NRXN3: variants seen among roughly 807,000 people sequenced by gnomAD.
The protein encoded by NRXN3 is neurexin III.
NRXN3 carries 32 observed loss-of-function variants against 137.6 expected under a neutral mutation model. The observed-to-expected ratio is 0.23, with a 90% CI of 0.18 to 0.31. The LOEUF (loss-of-function observed/expected upper bound fraction) is 0.31. NRXN3 is among the 10% of genes least tolerant of loss of function. NRXN3 has a pLI of 1.00. For synonymous variants in NRXN3, 798 were observed against 784.5 expected (o/e 1.02, Z -0.29); for missense variants, 1,574 against 2,062.5 (o/e 0.76, Z 4.59).
At chr14:78,951,535 C>G (rs1297510248) in intron 10 of NRXN3, among the ~76,000 whole-genome samples, 2 of 152,126 alleles carry the variant, frequency 1.3e-5, no homozygotes, top group Non-Finnish European at 2.9e-5. Flanking sequence ...CTCCCTACCC[C>G]CAACTGCTTT....
rs545781485 is a variant in NRXN3, at chr14:79,150,523, C to A, written c.3262+162382C>A. On this transcript the variant is annotated intron_variant, in intron 15 of 20. Coordinates refer to ENST00000335750, the MANE Select transcript of NRXN3 (RefSeq NM_001330195.2). Reference sequence around the variant, plus strand: ...TCTGCAGAGAAAGGAGCAAGAGTTCCTTGCATTCTAACCCAAGCCACCCCT... The same window carrying A: ...TCTGCAGAGAAAGGAGCAAGAGTTCATTGCATTCTAACCCAAGCCACCCCT... 3.9e-5 allele frequency among the ~76,000 whole-genome samples: 6 copies of A among 151,962 alleles called. No individual in the cohort carries two copies. In the South Asian group the frequency reaches 1.0e-3, roughly 26 times the overall value.
At chr14:78,171,815 A>G (rs900405559) in intron 1 of NRXN3, among the ~76,000 whole-genome samples, 8 of 152,164 alleles carry the variant, frequency 5.3e-5, no homozygotes, top group African/African-American at 1.9e-4. Context: ...TCATCATGCA[A>G]TGAGAACATC....
At chr14:78,918,193 G>T (rs973935585) in intron 10 of NRXN3, among the ~76,000 whole-genome samples, 6 of 147,278 alleles carry the variant, frequency 4.1e-5, no homozygotes, top group African/African-American at 1.5e-4. Flanking sequence ...GCTGAGGCGG[G>T]AGAATCGCTT....
intron 10 of NRXN3, among the ~76,000 whole-genome samples, chr14:78,894,142 G>A (rs2099167042): frequency 6.6e-6 from 1 of 151,890 alleles, no homozygotes; most frequent in South Asian, 2.1e-4. Flanking sequence ...AGACAACAAT[G>A]AAGTTTGCTT....
intron 15 of NRXN3, among the ~76,000 whole-genome samples, chr14:79,307,263 C>T (rs892801311): frequency 6.6e-6 from 1 of 152,040 alleles, no homozygotes; most frequent in Non-Finnish European, 1.5e-5. Flanking sequence ...ATTGACAGAG[C>T]TGGAATTGGA....
At chr14:78,213,743 G>A (rs905505074) in intron 1 of NRXN3, among the ~76,000 whole-genome samples, 1 of 152,152 alleles carries the variant, frequency 6.6e-6, no homozygotes, top group Non-Finnish European at 1.5e-5. Context: ...TCTCAGTGGT[G>A]CACTTCCATG....
intron 19 of NRXN3, among the ~76,000 whole-genome samples, chr14:79,705,617 A>T (rs189363805): frequency 6.9e-4 from 105 of 152,214 alleles, no homozygotes; most frequent in African/African-American, 2.4e-3. Flanking sequence ...GCCCTGCCTG[A>T]ATGTGCCAAG....
At chr14:78,303,932 A>C (rs2077113698) in intron 4 of NRXN3, among the ~76,000 whole-genome samples, 1 of 152,164 alleles carries the variant, frequency 6.6e-6, no homozygotes, top group African/African-American at 2.4e-5. Context: ...CTCATTCTAC[A>C]CAAGCTCAGT....
At chr14:79,637,420 G>A (rs998902946) in intron 16 of NRXN3, among the ~76,000 whole-genome samples, 6 of 152,022 alleles carry the variant, frequency 3.9e-5, no homozygotes, top group East Asian at 1.9e-4. Context: ...CTTAAACCTC[G>A]GCATATTTGA....
chr14:78,279,328 G>A (rs1178400273), intron 3 of NRXN3, among the ~76,000 whole-genome samples: 2 of 152,188 alleles, frequency 1.3e-5, no homozygotes, highest in African/African-American at 2.4e-5. Context: ...CATTGCGTGT[G>A]TATAGACAAA....
intron 19 of NRXN3, among the ~76,000 whole-genome samples, chr14:79,799,928 G>C (rs535881852): frequency 6.6e-6 from 1 of 152,232 alleles, no homozygotes; most frequent in Non-Finnish European, 1.5e-5. Context: ...TAAAGTGCTT[G>C]ACATATAGGT....
At chr14:79,552,762 G>A (rs1018762795) in intron 16 of NRXN3, among the ~76,000 whole-genome samples, 2 of 152,104 alleles carry the variant, frequency 1.3e-5, no homozygotes, top group African/African-American at 4.8e-5. Context: ...ATAGGAAAGT[G>A]AGGGACAGAA....
At chr14:78,846,702 T>A (rs1415665210) in intron 10 of NRXN3, among the ~76,000 whole-genome samples, 2 of 152,086 alleles carry the variant, frequency 1.3e-5, no homozygotes, top group Admixed American at 1.3e-4. Context: ...CCCTTGAATA[T>A]GCTGCAATAA....
chr14:79,038,321 C>A (rs60253060), intron 15 of NRXN3, among the ~76,000 whole-genome samples: 5,993 of 152,022 alleles, frequency 0.039, 380 homozygotes, highest in African/African-American at 0.14. Context: ...TCTCTCCTGG[C>A]AAAATTTAGT....
chr14:78,565,255 T>C (rs1459817501), intron 4 of NRXN3, among the ~76,000 whole-genome samples: 1 of 152,186 alleles, frequency 6.6e-6, no homozygotes, highest in Non-Finnish European at 1.5e-5. Flanking sequence ...ATTCACAAAC[T>C]TACCTAAAAC....
intron 4 of NRXN3, among the ~76,000 whole-genome samples, chr14:78,582,271 G>GT (rs2097008291): frequency 6.6e-6 from 1 of 152,174 alleles, no homozygotes; most frequent in African/African-American, 2.4e-5. Context: ...TTTATGGTGT[G>GT]TTCTCCTCTC....
rs915293745 is a variant in NRXN3 at position 78,480,559 on chromosome 14, A to C, written c.758-164561A>C. Among the ~76,000 whole-genome samples the C allele has an allele frequency of 3.3e-5, 5 of 152,316 alleles. No homozygotes were observed. The East Asian group carries it at 9.6e-4, about 29-fold the overall frequency. On this transcript the variant is annotated intron_variant, in intron 4 of 20. Coordinates refer to ENST00000335750, the MANE Select transcript of NRXN3 (RefSeq NM_001330195.2). Reference sequence around the variant, plus strand: ...TATGAAGTATAAAAATTGTTTTCACAGTTGACCTGAGTTGCTAATAAACAA... The same window carrying C: ...TATGAAGTATAAAAATTGTTTTCACCGTTGACCTGAGTTGCTAATAAACAA...
intron 4 of NRXN3, among the ~76,000 whole-genome samples, chr14:78,628,793 T>TA (rs1413174511): frequency 6.6e-6 from 1 of 152,222 alleles, no homozygotes; most frequent in Non-Finnish European, 1.5e-5. Flanking sequence ...CTGTCCAGGC[T>TA]AGCAGCCACA....
intron 16 of NRXN3, among the ~76,000 whole-genome samples, chr14:79,490,484 T>TA (rs975471303): frequency 1.2e-4 from 19 of 152,060 alleles, no homozygotes; most frequent in African/African-American, 4.6e-4. Context: ...TATTCAGTCA[T>TA]AAAAAAAGAA....
Sources: gnomAD v4.1 joint callset for allele counts (sites outside exome capture counted in the v4.1 genomes callset) on GRCh38, gnomAD v4.1.1 for gene constraint, MANE v1.5 for transcripts, NCBI Gene and HGNC (gene_info 2026-07-23, HGNC 2026-07-21) for gene names.